CTSS: variants seen among roughly 807,000 people sequenced by gnomAD.
CTSS encodes the protein cathepsin S.
CTSS carries 15 observed loss-of-function variants against 39.9 expected under a neutral mutation model. The observed-to-expected ratio is 0.38, with a 90% CI of 0.25 to 0.58. The LOEUF (loss-of-function observed/expected upper bound fraction) is 0.58. CTSS is among the 20% of genes least tolerant of loss of function. The pLI is 0.70. For missense variants in CTSS, 250 were observed against 398.2 expected (o/e 0.63, Z 3.17); for synonymous variants, 126 against 138.2 (o/e 0.91, Z 0.62).
chr1:150,742,270 T>G (rs1201119047), intron 7 of CTSS, among the ~76,000 whole-genome samples: 1 of 151,540 alleles, frequency 6.6e-6, no homozygotes, highest in African/African-American at 2.4e-5. Flanking sequence ...AAAAAAAGAA[T>G]AAATACAGCT....
At chr1:150,733,337 G>A (rs1652565053) in intron 7 of CTSS, among the ~76,000 whole-genome samples, 192 bp from the exon 8 acceptor site, 1 of 152,132 alleles carries the variant, frequency 6.6e-6, no homozygotes, top group Middle Eastern at 3.2e-3. Flanking sequence ...AAGCTTTAGT[G>A]CTATATTGAT....
At chr1:150,741,187 A>G (rs1027846516) in intron 7 of CTSS, among the ~76,000 whole-genome samples, 13 of 151,972 alleles carry the variant, frequency 8.6e-5, no homozygotes, top group Non-Finnish European at 7.4e-5. Flanking sequence ...ATTTGTTTAT[A>G]GAGACTGGGT....
At chr1:150,747,595 G>A (rs1418656278) in intron 7 of CTSS, among the ~76,000 whole-genome samples, 182 bp downstream of exon 7, 1 of 152,120 alleles carries the variant, frequency 6.6e-6, no homozygotes, top group Non-Finnish European at 1.5e-5. Flanking sequence ...AGTGATGAAG[G>A]CAGAATGGTA....
intron 7 of CTSS, among the ~76,000 whole-genome samples, chr1:150,741,470 C>T (rs1398987818): frequency 6.6e-6 from 1 of 152,142 alleles, no homozygotes; most frequent in Non-Finnish European, 1.5e-5. Flanking sequence ...TTTTTGGCTA[C>T]TTACTAGTTT....
intron 3 of CTSS, 41 bp from the exon 4 acceptor site, chr1:150,755,191 G>A (rs1354901463): frequency 3.8e-6 from 6 of 1,591,764 alleles, no homozygotes; most frequent in African/African-American, 1.3e-5. Context: ...TTAATGACTG[G>A]AATATGTTCT....
At chr1:150,764,160 G>A (rs587675075) in intron 2 of CTSS, among the ~76,000 whole-genome samples, 2 of 152,022 alleles carry the variant, frequency 1.3e-5, no homozygotes, top group East Asian at 3.9e-4. Context: ...TATAATATAA[G>A]CTCCATAACA....
chr1:150,756,711 T>TC (rs1290466323), intron 3 of CTSS, among the ~76,000 whole-genome samples: 86 of 146,198 alleles, frequency 5.9e-4, no homozygotes, highest in Middle Eastern at 3.6e-3. Flanking sequence ...TTTCTTTCTT[T>TC]TTTTTTTTTT....
chr1:150,748,147 G>A (rs35413284), intron 6 of CTSS: 15,230 of 239,280 alleles, frequency 0.064, 606 homozygotes, highest in East Asian at 0.1. Context: ...AAAATTAGCT[G>A]GGCATGGTGG....
intron 7 of CTSS, among the ~76,000 whole-genome samples, chr1:150,733,533 A>T (rs1225335445): frequency 6.6e-6 from 1 of 152,222 alleles, no homozygotes; most frequent in Non-Finnish European, 1.5e-5. Context: ...CCTCTAGAGA[A>T]TGTCAATTAA....
At chr1:150,755,790 A>G (rs1211018158) in intron 3 of CTSS, among the ~76,000 whole-genome samples, 1 of 152,032 alleles carries the variant, frequency 6.6e-6, no homozygotes, top group African/African-American at 2.4e-5. Context: ...GTCATTTACT[A>G]TGAAAGGCCT....
At chr1:150,752,289 C>T (rs887235100) in intron 4 of CTSS, among the ~76,000 whole-genome samples, 2 of 152,162 alleles carry the variant, frequency 1.3e-5, no homozygotes, top group African/African-American at 4.8e-5. Context: ...ACTCACTGAG[C>T]ATGTACCAAA....
chr1:150,747,912 G>A, intron 6 of CTSS, 33 bp from the exon 7 acceptor site: 1 of 1,357,292 alleles, frequency 7.4e-7, no homozygotes, highest in Non-Finnish European at 1.1e-6. Context: ...AAAAAAGAGT[G>A]AATACTATAG....
At chr1:150,742,267 G>T (rs1253615313) in intron 7 of CTSS, among the ~76,000 whole-genome samples, 1 of 151,508 alleles carries the variant, frequency 6.6e-6, no homozygotes, top group Non-Finnish European at 1.5e-5. Context: ...AAAAAAAAAA[G>T]AATAAATACA....
chr1:150,738,875 A>G (rs778271619), intron 7 of CTSS, among the ~76,000 whole-genome samples: 1 of 152,026 alleles, frequency 6.6e-6, no homozygotes, highest in African/African-American at 2.4e-5. Context: ...CTGAGACACA[A>G]TGATATTGAA....
intron 7 of CTSS, among the ~76,000 whole-genome samples, chr1:150,734,568 G>A (rs185879117): frequency 1.7e-4 from 26 of 152,138 alleles, no homozygotes; most frequent in Admixed American, 5.2e-4. Flanking sequence ...TTGAACCTGG[G>A]AGGCAAGGCA....
At chr1:150,743,143 G>A (rs901567365) in intron 7 of CTSS, among the ~76,000 whole-genome samples, 1 of 152,100 alleles carries the variant, frequency 6.6e-6, no homozygotes, top group African/African-American at 2.4e-5. Flanking sequence ...GTAACAGGCA[G>A]GTGGATAAAA....
rs767239683 is a variant in CTSS, at chr1:150,757,990, A to G, written c.127-10T>C. 6.9e-5 allele frequency: 112 copies of G among 1,612,418 alleles called. No homozygotes were observed. The highest frequency in any genetic ancestry group is 2.0e-4 in the Admixed American group (12 of 59,904). On this transcript the variant is annotated splice_polypyrimidine_tract_variant and intron_variant, in intron 2 of 7. Coordinates refer to ENST00000368985, the MANE Select transcript of CTSS (RefSeq NM_004079.5). ...GTACTGCTTCTTCATTCTAAAACAT[A>G]ATGAAGAAGAACATAGTCATACTGC...
intron 7 of CTSS, among the ~76,000 whole-genome samples, chr1:150,736,037 C>T (rs1301994666): frequency 2.0e-5 from 3 of 152,026 alleles, no homozygotes; most frequent in African/African-American, 2.4e-5. Flanking sequence ...GGATTACAGG[C>T]GTGAGCCACT....
intron 2 of CTSS, among the ~76,000 whole-genome samples, chr1:150,759,158 T>C (rs746845031): frequency 1.3e-5 from 2 of 151,638 alleles, no homozygotes; most frequent in Non-Finnish European, 2.9e-5. Context: ...GCATGAACCA[T>C]ACACCCAGCC....
Sources: gnomAD v4.1 joint callset for allele counts (sites outside exome capture counted in the v4.1 genomes callset) on GRCh38, gnomAD v4.1.1 for gene constraint, MANE v1.5 for transcripts, NCBI Gene and HGNC (gene_info 2026-07-23, HGNC 2026-07-21) for gene names.